The following XRCC1 variants were observed in gnomAD, a reference collection of about 807,000 sequenced individuals.
The protein encoded by XRCC1 is DNA repair protein XRCC1.
A neutral mutation model predicts 83.3 loss-of-function variants in XRCC1; 52 were observed. That is an observed-to-expected ratio of 0.62 (90% CI 0.50 to 0.79). The LOEUF is 0.79. Ranked by LOEUF, XRCC1 falls within the 30% of genes least tolerant of loss-of-function variation. The pLI, the probability that XRCC1 is intolerant of heterozygous loss-of-function variation, is 0.00. For synonymous variants in XRCC1, 281 were observed against 312.6 expected, an observed-to-expected ratio of 0.90 and a Z score of 1.07; for missense variants, 793 against 823.5, an observed-to-expected ratio of 0.96 and a Z score of 0.45.
Position 43,553,047 on chromosome 19 carries a change from G to GGGTAGCAGCTGCAT in XRCC1, c.632_645dup (p.Leu216MetfsTer22). On this transcript the variant is annotated frameshift_variant, in exon 7 of 17. Coordinates refer to ENST00000262887, the MANE Select transcript of XRCC1 (RefSeq NM_006297.3). LOFTEE classifies it high-confidence loss of function. ...GAGGAGGCAGCACTAGAAGCCTGGA[G>GGGTAGCAGCTGCAT]GGTAGCAGCTGCATAGCTAGGTCCT... The GGGTAGCAGCTGCAT allele has an allele frequency of 6.3e-7, 1 of 1,596,348 alleles. No homozygotes were observed. The highest frequency in any genetic ancestry group is 8.5e-7 in the Non-Finnish European group (1 of 1,171,590).
At chr19:43,559,502 AAGAT>A (rs1433659552) in intron 3 of XRCC1, among the ~76,000 whole-genome samples, 1 of 147,820 alleles carries the variant, frequency 6.8e-6, no homozygotes, top group Non-Finnish European at 1.5e-5. Flanking sequence ...AAAAAAAAAA[AAGAT>A]ACAGAAAAAA....
At chr19:43,544,512 CT>C (rs535098707) in intron 14 of XRCC1, among the ~76,000 whole-genome samples, 257 of 145,266 alleles carry the variant, frequency 1.8e-3, no homozygotes, top group Admixed American at 1.7e-3. Context: ...CTCTCTCTCT[CT>C]TTTTTTTTTT....
At chr19:43,544,803 G>A (rs578088747) in intron 14 of XRCC1, among the ~76,000 whole-genome samples, 5 of 151,418 alleles carry the variant, frequency 3.3e-5, no homozygotes, top group East Asian at 1.9e-4. Context: ...ACACCACCAC[G>A]CTCGGCTAAT....
chr19:43,545,585 T>G (rs1972500097), intron 14 of XRCC1, among the ~76,000 whole-genome samples: 3 of 149,978 alleles, frequency 2.0e-5, no homozygotes, highest in South Asian at 2.1e-4. Flanking sequence ...GCGAGGGGAG[T>G]GGTCAGAACA....
intron 3 of XRCC1, chr19:43,555,564 G>A (rs1368241217): frequency 6.6e-6 from 1 of 152,204 alleles, no homozygotes; most frequent in Non-Finnish European, 1.5e-5. Context: ...AGCAGCCGGT[G>A]GGGGAGGAAG....
intron 2 of XRCC1, among the ~76,000 whole-genome samples, chr19:43,571,553 GAGCGCAATGGTGCGATCAT>G (rs1268676201): frequency 6.6e-6 from 1 of 152,222 alleles, no homozygotes; most frequent in Admixed American, 6.5e-5. Flanking sequence ...GCCCAGGCTG[GAGCGCAATGGTGCGATCAT>G]AGCTCACTAC....
chr19:43,548,691 A>G (rs3213385), intron 10 of XRCC1, among the ~76,000 whole-genome samples: 7,214 of 145,154 alleles, frequency 0.05, 65 homozygotes, highest in Middle Eastern at 0.17. Context: ...TCACTTGTTT[A>G]TCTGCTGACC....
At chr19:43,550,398 G>C (rs1489779809) in intron 10 of XRCC1, among the ~76,000 whole-genome samples, 1 of 152,148 alleles carries the variant, frequency 6.6e-6, no homozygotes, top group Non-Finnish European at 1.5e-5. Flanking sequence ...TTGGATTCCT[G>C]AATAACAGAT....
At chr19:43,550,474 G>A (rs1432551799) in intron 10 of XRCC1, among the ~76,000 whole-genome samples, 4 of 152,052 alleles carry the variant, frequency 2.6e-5, no homozygotes, top group Admixed American at 6.6e-5. Context: ...CTTCTGACCT[G>A]AGCCCACCCA....
chr19:43,553,071 C>A lies in XRCC1; in HGVS notation c.622G>T (p.Gly208Ter), dbSNP rs375595185. The A allele has an allele frequency of 6.3e-7, 1 of 1,583,352 alleles. No homozygotes were observed. Among genetic ancestry groups the A allele is most frequent in the East Asian group, 2.3e-5 (1 of 43,864 alleles). Residue 208 changes from glycine (G) to a stop codon, truncating the protein, a stop_gained, in exon 7 of 17, where the codon GGA becomes TGA. Transcript: ENST00000262887. LOFTEE classifies it high-confidence loss of function. Reference sequence around the variant, plus strand: ...AGGGTAGCAGCTGCATAGCTAGGTCCTGCTGGGTCGCTGGCTGTGACTATG... The same window carrying A: ...AGGGTAGCAGCTGCATAGCTAGGTCATGCTGGGTCGCTGGCTGTGACTATG... ...TSPVTASDPA[G>*]PSYAAATLQA...
At chr19:43,544,319 G>T in intron 14 of XRCC1, 85 bp from the exon 15 acceptor site, 1 of 1,198,254 alleles carries the variant, frequency 8.3e-7, no homozygotes, top group Non-Finnish European at 1.2e-6. Flanking sequence ...TGACCCAGCA[G>T]CTGAGGAGAG....
At chr19:43,549,399 A>G (rs1372705078) in intron 10 of XRCC1, among the ~76,000 whole-genome samples, 3 of 152,118 alleles carry the variant, frequency 2.0e-5, no homozygotes. Context: ...AGCTGGGGCT[A>G]CAGGTGTGCG....
chr19:43,544,363 G>A (rs1299447288), intron 14 of XRCC1, 129 bp from the exon 15 acceptor site: 5 of 777,540 alleles, frequency 6.4e-6, no homozygotes, highest in Admixed American at 5.2e-5. Flanking sequence ...TTGATGGCAG[G>A]CAGTGGACCC....
intron 2 of XRCC1, 66 bp from the exon 3 acceptor site, chr19:43,561,086 G>T: frequency 1.6e-6 from 2 of 1,266,884 alleles, no homozygotes; most frequent in South Asian, 1.2e-5. Context: ...TGGGACCTCA[G>T]GATGAATCTC....
intron 14 of XRCC1, among the ~76,000 whole-genome samples, chr19:43,544,758 C>T (rs1972491514): frequency 6.6e-6 from 1 of 152,138 alleles, no homozygotes; most frequent in Non-Finnish European, 1.5e-5. Context: ...ATCCTCCCAC[C>T]TCAGCCTCCT....
intron 4 of XRCC1, chr19:43,553,923 G>C: frequency 2.2e-6 from 1 of 459,282 alleles, no homozygotes; most frequent in Non-Finnish European, 3.9e-6. Flanking sequence ...AATTGGCAGA[G>C]TCTACTAGGT....
intron 4 of XRCC1, 61 bp downstream of exon 4, chr19:43,554,585 C>T: frequency 6.5e-7 from 1 of 1,541,960 alleles, no homozygotes; most frequent in Non-Finnish European, 8.8e-7. Flanking sequence ...TCAATATTGG[C>T]CCTTATTTCC....
intron 2 of XRCC1, among the ~76,000 whole-genome samples, chr19:43,574,068 T>G (rs1048744400): frequency 2.0e-5 from 3 of 150,992 alleles, no homozygotes; most frequent in African/African-American, 7.3e-5. Flanking sequence ...ATGCCAGCTC[T>G]CATTATTATT....
At position 43,543,677 on chromosome 19, in the gene XRCC1, C is replaced by T; in HGVS notation, c.1723G>A (p.Asp575Asn). 1 of 1,613,948 alleles carries T rather than the reference C, an allele frequency of 6.2e-7. No individual in the cohort carries two copies. ...YVTAFNGELE[D>N]YMSDRVQFVI... ...AACTGAACCCGGTCACTCATATAGT[C>T]CTCGAGCTCCCTGGCGGGAGAGAAG... The change falls in exon 16 of 17, where the codon GAC (aspartate) becomes AAC (asparagine). Residue 575 changes from aspartate to asparagine, a missense_variant. Transcript: ENST00000262887.
Sources: allele counts gnomAD v4.1 joint callset (sites outside exome capture counted in the v4.1 genomes callset), GRCh38; gene constraint gnomAD v4.1.1; transcripts MANE v1.5; gene names NCBI Gene and HGNC (gene_info 2026-07-23, HGNC 2026-07-21).